Variants in DDX46 observed in about 807,000 individuals in gnomAD.
DDX46 encodes the protein probable ATP-dependent RNA helicase DDX46.
A neutral mutation model predicts 134.9 loss-of-function variants in DDX46; 30 were observed. That is an observed-to-expected ratio of 0.22 (90% CI 0.17 to 0.30). The LOEUF is 0.30. Ranked by LOEUF, DDX46 falls within the 10% of genes least tolerant of loss-of-function variation. The pLI, the probability that DDX46 is intolerant of heterozygous loss-of-function variation, is 1.00. For synonymous variants in DDX46, 415 were observed against 404.1 expected (o/e 1.03, Z -0.32); for missense variants, 622 against 1,248.7 (o/e 0.50, Z 7.56).
intron 16 of DDX46, among the ~76,000 whole-genome samples, chr5:134,809,245 CTG>C (rs1212450720): frequency 6.6e-6 from 1 of 152,174 alleles, no homozygotes; most frequent in Non-Finnish European, 1.5e-5. Flanking sequence ...CTCTCCTTCT[CTG>C]TATATATATG....
intron 11 of DDX46, among the ~76,000 whole-genome samples, chr5:134,786,529 C>T (rs1477375474): frequency 1.3e-5 from 2 of 152,058 alleles, no homozygotes; most frequent in African/African-American, 4.8e-5. Flanking sequence ...ATTTGTTTCT[C>T]TAATCTATGC....
Position 134,758,815 on chromosome 5 carries a change from C to T in DDX46, c.-124C>T, listed in dbSNP as rs1753280671. On this transcript the variant is annotated 5_prime_UTR_variant, in exon 1 of 23. Coordinates refer to ENST00000452510, the MANE Select transcript of DDX46 (RefSeq NM_001300860.2). ...GGCCGCGCTGGGATGGCCGCCACAG[C>T]TGTAGGTGCTGCTAGTGTTTAGCGC... 2.0e-6 allele frequency: 3 copies of T among 1,469,156 alleles called. No homozygotes were observed. Among genetic ancestry groups the T allele is most frequent in the Non-Finnish European group, 2.8e-6 (3 of 1,057,028 alleles). 91.0% of individuals were successfully genotyped at this position (1,469,156 alleles called of 1,614,324 possible). A position where few individuals can be genotyped will look rare whatever the true frequency, so the allele number is the denominator to read the frequency against.
At chr5:134,802,961 C>T (rs1754876355) in intron 15 of DDX46, among the ~76,000 whole-genome samples, 1 of 152,066 alleles carries the variant, frequency 6.6e-6, no homozygotes, top group Non-Finnish European at 1.5e-5. Flanking sequence ...CTCTGTCTGC[C>T]TTTAATGGGC....
chr5:134,827,065 G>GTTTTATTGAAATA, intron 22 of DDX46, 45 bp downstream of exon 22: 2 of 1,540,852 alleles, frequency 1.3e-6, no homozygotes, highest in Non-Finnish European at 8.8e-7. Context: ...TTTAATAAGT[G>GTTTTATTGAAATA]TTTTATTGAA....
At position 134,830,129 on chromosome 5, in the gene DDX46, T is replaced by G. The variant is rs72800352; in HGVS notation, c.*1423T>G. On this transcript the variant is annotated 3_prime_UTR_variant, in exon 23 of 23. Transcript: ENST00000452510. ...AAAGTCAGTCTTTTATATCCAAGGG[T>G]TTCAAACCCACAGATTAAACCAACC... 1 of 147,970 alleles carries G rather than the reference T, an allele frequency of 6.8e-6. No homozygotes were observed. Among genetic ancestry groups the G allele is most frequent in the Non-Finnish European group, 1.5e-5 (1 of 67,364 alleles). The allele number at this position is 147,970 out of a possible 1,614,324, so 9.2% of individuals were successfully genotyped here. A position where few individuals can be genotyped will look rare whatever the true frequency, so the allele number is the denominator to read the frequency against.
At chr5:134,795,220 G>T (rs254705) in intron 14 of DDX46, among the ~76,000 whole-genome samples, 9,050 of 100,348 alleles carry the variant, frequency 0.09, 447 homozygotes, top group African/African-American at 0.21. Context: ...TTTTTTTTTT[G>T]TTTTTTTTTT....
At chr5:134,825,358 G>A (rs549430127) in intron 21 of DDX46, among the ~76,000 whole-genome samples, 2 of 152,198 alleles carry the variant, frequency 1.3e-5, no homozygotes, top group South Asian at 4.1e-4. Context: ...GGCTAGTGGA[G>A]GTATAGGATT....
Position 134,794,939 on chromosome 5 carries a change from C to A in DDX46, c.1716C>A (p.Arg572=). The change falls in exon 14 of 23, where the codon CGC becomes CGA. Residue 572 remains arginine, a synonymous_variant. Coordinates refer to ENST00000452510, the MANE Select transcript of DDX46 (RefSeq NM_001300860.2). ...TFPRAMEALA[R]RILSKPIEVQ... ...CCAGAGCTATGGAGGCTTTGGCTCG[C>A]AGGATCCTCAGTAAACCTATTGAAG... 1 of 1,614,192 alleles carries A rather than the reference C, an allele frequency of 6.2e-7. No homozygotes were observed. Among genetic ancestry groups the A allele is most frequent in the Non-Finnish European group, 8.5e-7 (1 of 1,180,032 alleles).
intron 6 of DDX46, 66 bp from the exon 7 acceptor site, chr5:134,781,067 G>A: frequency 9.0e-7 from 1 of 1,108,738 alleles, no homozygotes; most frequent in Non-Finnish European, 1.3e-6. Context: ...GTTACTGTGT[G>A]CTTCAGCAGT....
intron 16 of DDX46, 27 bp from the exon 17 acceptor site, chr5:134,811,194 T>A (rs774327688): frequency 3.4e-5 from 55 of 1,608,060 alleles, no homozygotes; most frequent in Non-Finnish European, 4.3e-5. Flanking sequence ...TAGTGTCTAA[T>A]AATTGTACTT....
At chr5:134,816,798 G>C (rs1174754467) in intron 19 of DDX46, 192 bp downstream of exon 19, 9 of 578,114 alleles carry the variant, frequency 1.6e-5, no homozygotes. Flanking sequence ...TGAGGACTTT[G>C]GGCCTATTCT....
At chr5:134,760,434 A>G (rs1753342186) in intron 1 of DDX46, among the ~76,000 whole-genome samples, 1 of 152,204 alleles carries the variant, frequency 6.6e-6, no homozygotes, top group African/African-American at 2.4e-5. Context: ...AGTAGGAGGT[A>G]GGTCCTGAAT....
At chr5:134,788,697 A>G (rs1008194046) in intron 12 of DDX46, 106 bp downstream of exon 12, 108 of 1,011,508 alleles carry the variant, frequency 1.1e-4, no homozygotes, top group Non-Finnish European at 1.5e-4. Context: ...TTTCTTCTTA[A>G]AGCTGCAGTA....
chr5:134,784,275 T>A, intron 9 of DDX46, 91 bp from the exon 10 acceptor site: 1 of 1,374,988 alleles, frequency 7.3e-7, no homozygotes, highest in South Asian at 1.5e-5. Context: ...TACCACCTTT[T>A]GGAAGTTCAT....
intron 15 of DDX46, among the ~76,000 whole-genome samples, chr5:134,805,796 G>A (rs564485972): frequency 1.3e-5 from 2 of 152,186 alleles, no homozygotes; most frequent in East Asian, 3.9e-4. Context: ...GCCTCCGAAA[G>A]TGCTGGGATT....
chr5:134,796,524 C>T (rs1209318344), intron 15 of DDX46, among the ~76,000 whole-genome samples: 2 of 152,176 alleles, frequency 1.3e-5, no homozygotes, highest in Non-Finnish European at 2.9e-5. Flanking sequence ...CTATCACATG[C>T]ATGTAATAGC....
chr5:134,818,379 C>T (rs1755342601), intron 20 of DDX46, among the ~76,000 whole-genome samples: 1 of 151,016 alleles, frequency 6.6e-6, no homozygotes, highest in South Asian at 2.1e-4. Context: ...CAGGTGTGAG[C>T]CATCACGCCC....
intron 7 of DDX46, 27 bp from the exon 8 acceptor site, chr5:134,781,894 G>T (rs765998059): frequency 1.3e-6 from 2 of 1,587,560 alleles, no homozygotes; most frequent in Middle Eastern, 1.7e-4. Context: ...TGAACTTAGC[G>T]CTTTAATTTT....
intron 11 of DDX46, among the ~76,000 whole-genome samples, chr5:134,786,497 C>T (rs796338808): frequency 1.3e-5 from 2 of 152,024 alleles, no homozygotes; most frequent in African/African-American, 4.8e-5. Flanking sequence ...TGTCCTGGAA[C>T]CTAGGTCTCT....
Sources: gnomAD v4.1 joint callset for allele counts (sites outside exome capture counted in the v4.1 genomes callset) on GRCh38, gnomAD v4.1.1 for gene constraint, MANE v1.5 for transcripts, NCBI Gene and HGNC (gene_info 2026-07-23, HGNC 2026-07-21) for gene names.